DDX47: variants seen among roughly 807,000 people sequenced by gnomAD.
DDX47 encodes DEAD-box helicase 47.
In DDX47, 60 loss-of-function variants were observed where a neutral mutation model predicts 58.8. The observed-to-expected ratio is 1.02, with a 90% confidence interval of 0.83 to 1.26. The LOEUF (loss-of-function observed/expected upper bound fraction) is 1.26. Ranked by LOEUF, DDX47 falls within the 50% of genes most tolerant of loss-of-function variation. The pLI is 0.00. For missense variants in DDX47, 530 were observed against 573.2 expected, an observed-to-expected ratio of 0.92 and a Z score of 0.77; for synonymous variants, 197 against 204.6, an observed-to-expected ratio of 0.96 and a Z score of 0.32.
rs1448257886 is a variant in DDX47 at position 12,813,360 on chromosome 12, C to T, written c.-8C>T. ...GCCGCAGACCCACTTCCGGAGACCT[C>T]ACACAAGATGGCGGCACCCGAGGAA... On this transcript the variant is annotated 5_prime_UTR_variant, in exon 1 of 12. Transcript: ENST00000358007. The T allele has an allele frequency of 3.1e-6, 5 of 1,612,538 alleles. No individual in the cohort carries two copies. Among genetic ancestry groups the T allele is most frequent in the African/African-American group, 1.3e-5 (1 of 74,880 alleles).
At chr12:12,828,258 T>TA (rs150715489) in intron 11 of DDX47, among the ~76,000 whole-genome samples, 2,006 of 152,264 alleles carry the variant, frequency 0.013, 45 homozygotes, top group African/African-American at 0.044. Flanking sequence ...AAAATGTTTT[T>TA]AATGCACAAA....
In DDX47 at chr12:12,823,191, T is replaced by A; in HGVS notation, c.634-12T>A. On this transcript the variant is annotated splice_polypyrimidine_tract_variant and intron_variant, in intron 6 of 11. Coordinates refer to ENST00000358007, the MANE Select transcript of DDX47 (RefSeq NM_016355.4). ...AGGCATCAGTGTGCTATTCTGGATC[T>A]TCTTCCTTCAGGTTCAAAAACTTCA... 6.4e-7 allele frequency: 1 copy of A among 1,574,512 alleles called. No individual in the cohort carries two copies. Among genetic ancestry groups the A allele is most frequent in the Non-Finnish European group, 8.7e-7 (1 of 1,143,892 alleles).
rs1418693205 is a variant in DDX47 at position 12,824,586 on chromosome 12, C to A, written c.944C>A (p.Ser315Tyr). ...SLNKFKAKAR[S>Y]ILLATDVASR... ...AATAAGTTTAAGGCCAAGGCCCGTT[C>A]CATTCTTCTAGCAACTGACGTTGCC... The change falls in exon 9 of 12, where the codon TCC becomes TAC. Residue 315 changes from serine to tyrosine, a missense_variant. Physicochemically the swap from Ser to Tyr is moderately radical, Grantham distance 144. Coordinates refer to ENST00000358007, the MANE Select transcript of DDX47 (RefSeq NM_016355.4). 6.2e-7 allele frequency: 1 copy of A among 1,613,966 alleles called. No individual in the cohort carries two copies. Among genetic ancestry groups the A allele is most frequent in the African/African-American group, 1.3e-5 (1 of 74,918 alleles).
At chr12:12,824,137 T>C in intron 8 of DDX47, 121 bp downstream of exon 8, 2 of 1,235,930 alleles carry the variant, frequency 1.6e-6, no homozygotes, top group Non-Finnish European at 2.2e-6. Context: ...ATTGTTGTAA[T>C]TTTATGGGCT....
chr12:12,820,343 A>T, intron 2 of DDX47: 1 of 152,202 alleles, frequency 6.6e-6, no homozygotes, highest in East Asian at 1.9e-4. Context: ...ATCTTCCTAA[A>T]CAGTAATATT....
At position 12,827,350 on chromosome 12, in the gene DDX47, C is replaced by G. The variant is rs762415203; in HGVS notation, c.1211C>G (p.Ala404Gly). The change falls in exon 11 of 12, where the codon GCT becomes GGT. Residue 404 changes from alanine to glycine, a missense_variant. By Grantham distance (60) the Ala-to-Gly change is moderately conservative. Coordinates refer to ENST00000358007, the MANE Select transcript of DDX47 (RefSeq NM_016355.4). ...GTTATGATGCTGACAGAACGCGTCG[C>G]TGAAGCCCAAAGGTTTGCCCGAATG... ...DEVMMLTERV[A>G]EAQRFARMEL... The G allele has an allele frequency of 3.7e-6, 6 of 1,614,074 alleles. No homozygotes were observed. Among genetic ancestry groups the G allele is most frequent in the Non-Finnish European group, 5.1e-6 (6 of 1,180,042 alleles).
In DDX47 at chr12:12,829,611, A is replaced by T; in HGVS notation, c.*57A>T. On this transcript the variant is annotated 3_prime_UTR_variant, in exon 12 of 12. Transcript: ENST00000358007. ...CTGTAAAAGAGAATTGGAGAATGAA[A>T]CCTGCTCCAACAGAGATCATGAGAC... The T allele has an allele frequency of 6.3e-7, 1 of 1,583,976 alleles. No individual in the cohort carries two copies. The highest frequency in any genetic ancestry group is 1.2e-5 in the South Asian group (1 of 86,386).
At chr12:12,829,362 A>G (rs958454491) in intron 11 of DDX47, 61 bp from the exon 12 acceptor site, 2 of 1,545,844 alleles carry the variant, frequency 1.3e-6, no homozygotes, top group Non-Finnish European at 1.7e-6. Context: ...GGGGACTAGA[A>G]TGAGTAACCT....
intron 9 of DDX47, 21 bp downstream of exon 9, chr12:12,824,698 A>T: frequency 6.2e-7 from 1 of 1,610,950 alleles, no homozygotes; most frequent in Non-Finnish European, 8.5e-7. Context: ...TTGCTAACTT[A>T]CCTTTCTAGT....
At chr12:12,822,326 T>A (rs1862986853) in intron 5 of DDX47, among the ~76,000 whole-genome samples, 1 of 152,238 alleles carries the variant, frequency 6.6e-6, no homozygotes, top group South Asian at 2.1e-4. Flanking sequence ...GACCTTGACA[T>A]ACACCCTGAA....
intron 11 of DDX47, among the ~76,000 whole-genome samples, chr12:12,827,602 C>A (rs1451345535): frequency 1.3e-5 from 2 of 152,164 alleles, no homozygotes; most frequent in Non-Finnish European, 2.9e-5. Flanking sequence ...ATTCACAGCA[C>A]CTGTTCATGT....
Position 12,814,194 on chromosome 12 carries a change from C to A in DDX47, c.151C>A (p.Gln51Lys). ...QLGWTKPTKIQIEAIPLALQG... is the reference protein window; with the variant it reads ...QLGWTKPTKIKIEAIPLALQG... ...GGGATGGACAAAACCCACCAAGATC[C>A]AGATTGAAGCTATTCCTTTGGCCTT... is the stretch of plus-strand genomic sequence containing the variant. Residue 51 changes from glutamine (Q) to lysine (K), a missense_variant, in exon 2 of 12, where the codon CAG becomes AAG. By Grantham distance (53) the Gln-to-Lys change is moderately conservative. Coordinates refer to ENST00000358007, the MANE Select transcript of DDX47 (RefSeq NM_016355.4). 6.2e-7 allele frequency: 1 copy of A among 1,612,520 alleles called. No individual in the cohort carries two copies. Among genetic ancestry groups the A allele is most frequent in the Non-Finnish European group, 8.5e-7 (1 of 1,178,590 alleles).
At chr12:12,827,871 TTTTTC>T (rs1268313829) in intron 11 of DDX47, among the ~76,000 whole-genome samples, 47 of 138,274 alleles carry the variant, frequency 3.4e-4, no homozygotes, top group South Asian at 2.7e-4. Flanking sequence ...AAACTTTTCT[TTTTTC>T]TTTTTTTTTT....
chr12:12,814,220 A>G lies in DDX47; in HGVS notation c.177A>G (p.Leu59=). 2 of 1,601,496 alleles carry G rather than the reference A, an allele frequency of 1.2e-6. No homozygotes were observed. The highest frequency in any genetic ancestry group is 2.2e-5 in the East Asian group (1 of 44,778). ...AGATTGAAGCTATTCCTTTGGCCTT[A>G]CAAGGTAGGTTGTATGACTTCGTAC... ...KIQIEAIPLA[L]QGRDIIGLAE... Residue 59 remains leucine, a synonymous_variant, in exon 2 of 12, where the codon TTA becomes TTG. Coordinates refer to ENST00000358007, the MANE Select transcript of DDX47 (RefSeq NM_016355.4).
At chr12:12,815,037 C>A (rs986081990) in intron 2 of DDX47, among the ~76,000 whole-genome samples, 3 of 152,060 alleles carry the variant, frequency 2.0e-5, no homozygotes, top group African/African-American at 7.2e-5. Context: ...TCCTAAAGTA[C>A]CAACTTTACA....
chr12:12,821,130 C>A, intron 2 of DDX47, 78 bp from the exon 3 acceptor site: 1 of 1,442,172 alleles, frequency 6.9e-7, no homozygotes, highest in Non-Finnish European at 9.7e-7. Flanking sequence ...CTACTTTGTG[C>A]CCAGCATTGT....
intron 2 of DDX47, among the ~76,000 whole-genome samples, chr12:12,818,122 G>A (rs1862923520): frequency 6.6e-6 from 1 of 152,150 alleles, no homozygotes; most frequent in Non-Finnish European, 1.5e-5. Flanking sequence ...ATAGGTAGAT[G>A]CTGTTGCAAT....
chr12:12,824,439 T>G, intron 8 of DDX47, 101 bp from the exon 9 acceptor site: 1 of 1,393,806 alleles, frequency 7.2e-7, no homozygotes, highest in Non-Finnish European at 9.7e-7. Flanking sequence ...GGAAAAACCT[T>G]TAAAAAATTT....
chr12:12,827,869 C>CTTTTTTTTTTTTTTTTTTTTTTT (rs1354059622), intron 11 of DDX47, among the ~76,000 whole-genome samples: 1 of 109,692 alleles, frequency 9.1e-6, no homozygotes, highest in Non-Finnish European at 1.8e-5. Context: ...CAAAACTTTT[C>CTTTTTTTTTTTTTTTTTTTTTTT]TTTTTTCTTT....
Sources: allele counts gnomAD v4.1 joint callset (sites outside exome capture counted in the v4.1 genomes callset), GRCh38; gene constraint gnomAD v4.1.1; transcripts MANE v1.5; gene names NCBI Gene and HGNC (gene_info 2026-07-23, HGNC 2026-07-21).